The following ADCYAP1 variants were observed in gnomAD, a reference collection of about 807,000 sequenced individuals.
ADCYAP1 encodes the protein adenylate cyclase activating polypeptide 1, also known as pituitary adenylate cyclase-activating polypeptide.
ADCYAP1 carries 6 observed loss-of-function variants against 18.5 expected under a neutral mutation model. The ratio of observed to expected loss-of-function variants is 0.32; its 90% CI spans 0.18 to 0.64. ADCYAP1 has a LOEUF of 0.64. Ranked by LOEUF, ADCYAP1 falls within the 30% of genes least tolerant of loss-of-function variation. ADCYAP1 has a pLI of 0.77. For missense variants in ADCYAP1, 314 were observed against 253.6 expected, an observed-to-expected ratio of 1.24 and a Z score of -1.62; for synonymous variants, 136 against 113.9, an observed-to-expected ratio of 1.19 and a Z score of -1.24.
intron 2 of ADCYAP1, 82 bp downstream of exon 2, chr18:905,578 C>G (rs938302041): frequency 1.3e-6 from 2 of 1,512,836 alleles, no homozygotes; most frequent in African/African-American, 2.7e-5. Flanking sequence ...TCCTGCAGTC[C>G]TTTGGGTCCA....
chr18:906,443 C>G (rs1018775084), intron 2 of ADCYAP1: 3 of 152,456 alleles, frequency 2.0e-5, no homozygotes, highest in African/African-American at 7.2e-5. Context: ...AACATTAGCT[C>G]TGGGGGGCCG....
Position 908,434 on chromosome 18 carries a change from G to A in ADCYAP1, c.341+71G>A, listed in dbSNP as rs1055924822. 2.6e-5 allele frequency: 36 copies of A among 1,371,020 alleles called. No individual in the cohort carries two copies. In the Admixed American group the frequency reaches 3.3e-4, roughly 13 times the overall value. 84.9% of individuals were successfully genotyped at this position (1,371,020 alleles called of 1,614,324 possible). A position where few individuals can be genotyped will look rare whatever the true frequency, so the allele number is the denominator to read the frequency against. Reference sequence around the variant, plus strand: ...CCTGTGCGGGGCGCGCGGGGCGGGCGGCGGTGGGTGCCCGTGGGGGCCAGG... The same window carrying A: ...CCTGTGCGGGGCGCGCGGGGCGGGCAGCGGTGGGTGCCCGTGGGGGCCAGG... On this transcript the variant is annotated intron_variant, in intron 4 of 4. Transcript: ENST00000450565.
At chr18:904,528 C>T (rs1276972831), upstream of ADCYAP1, 3 of 1,289,194 alleles carry the variant, frequency 2.3e-6, no homozygotes, top group Non-Finnish European at 2.0e-6. Flanking sequence ...AGGCCGGTCA[C>T]CTCTGTAACC....
At position 909,543 on chromosome 18, in the gene ADCYAP1, CAA is replaced by C. The variant is rs1351888139; in HGVS notation, c.441_442del (p.Gln147HisfsTer16). ...GGACAGCTACAGCCGCTACCGGAAA[CAA>C]ATGGCTGTCAAGAAATACTTGGCGG... ...FTDSYSRYRK[Q>X]MAVKKYLAAV... is the part of the protein sequence containing the mutation. On this transcript the variant is annotated frameshift_variant, in exon 5 of 5. Coordinates refer to ENST00000450565, the MANE Select transcript of ADCYAP1 (RefSeq NM_001099733.2). LOFTEE classifies it high-confidence loss of function. 6.2e-7 allele frequency: 1 copy of C among 1,614,188 alleles called. No individual in the cohort carries two copies. The highest frequency in any genetic ancestry group is 1.3e-5 in the African/African-American group (1 of 75,060).
intron 2 of ADCYAP1, among the ~76,000 whole-genome samples, chr18:907,021 CCA>C (rs978912115): frequency 2.0e-5 from 3 of 152,048 alleles, no homozygotes; most frequent in African/African-American, 7.2e-5. Flanking sequence ...TGCGGACGCG[CCA>C]CAGTCTGAGC....
rs1318446678 is a variant in ADCYAP1, at chr18:908,268, T to C, written c.246T>C (p.Asp82=). ...GCGCACTTTGCCTCCCCGTTAGAGA[T>C]GTCGCCCACGGGATCCTTAACGAGG... ...AAWYRPAGRR[D]VAHGILNEAY... The change falls in exon 4 of 5, where the codon GAT becomes GAC. Residue 82 remains aspartate (D), a synonymous_variant. Coordinates refer to ENST00000450565, the MANE Select transcript of ADCYAP1 (RefSeq NM_001099733.2). 1.2e-6 allele frequency: 2 copies of C among 1,611,298 alleles called. No homozygotes were observed. Among genetic ancestry groups the C allele is most frequent in the Non-Finnish European group, 1.7e-6 (2 of 1,178,760 alleles).
chr18:908,859 T>C (rs75297464), intron 4 of ADCYAP1, among the ~76,000 whole-genome samples: 2,293 of 152,294 alleles, frequency 0.015, 29 homozygotes, highest in Non-Finnish European at 0.024. Flanking sequence ...GGCAACATTC[T>C]AATAAAGCCC....
intron 2 of ADCYAP1, among the ~76,000 whole-genome samples, chr18:907,192 GC>G (rs1279159653): frequency 6.6e-6 from 1 of 152,196 alleles, no homozygotes; most frequent in Non-Finnish European, 1.5e-5. Flanking sequence ...TGAGGAGTTG[GC>G]CCCCGCACGC....
intron 4 of ADCYAP1, 40 bp from the exon 5 acceptor site, chr18:909,406 T>C (rs929465939): frequency 6.3e-7 from 1 of 1,583,150 alleles, no homozygotes; most frequent in Non-Finnish European, 8.6e-7. Context: ...AACCTGTGTC[T>C]CCCGCCCCGC....
chr18:907,468 G>T, intron 2 of ADCYAP1, 191 bp from the exon 3 acceptor site: 3 of 559,954 alleles, frequency 5.4e-6, no homozygotes, highest in East Asian at 3.6e-5. Context: ...CGCCCGGCGG[G>T]GTAGGAGTGG....
chr18:907,518 C>G, intron 2 of ADCYAP1, 141 bp from the exon 3 acceptor site: 1 of 913,910 alleles, frequency 1.1e-6, no homozygotes, highest in Non-Finnish European at 1.6e-6. Context: ...GCTCCCACCC[C>G]CAGTCCTGGG....
At chr18:904,743 T>TA (rs1284652171), upstream of ADCYAP1, 1 of 1,250,862 alleles carries the variant, frequency 8.0e-7, no homozygotes, top group East Asian at 5.7e-5. Flanking sequence ...CGGGTGGACT[T>TA]ACGGCCACCT....
At chr18:907,496 C>T in intron 2 of ADCYAP1, 163 bp from the exon 3 acceptor site, 2 of 733,102 alleles carry the variant, frequency 2.7e-6, no homozygotes, top group South Asian at 2.3e-5. Context: ...TCGTTGCCTC[C>T]TCCTTACCTC....
Position 910,474 on chromosome 18 carries a change from A to G in ADCYAP1, c.*839A>G, listed in dbSNP as rs1909349263. The G allele has an allele frequency of 6.6e-6, 1 of 152,270 alleles. No individual in the cohort carries two copies. The highest frequency in any genetic ancestry group is 1.5e-5 in the Non-Finnish European group (1 of 68,062). 9.4% of individuals were successfully genotyped at this position (152,270 alleles called of 1,614,324 possible). ...TCTTTTCTGTACTTCCTGAGTGGCC[A>G]GGGAATCTAATATCCCCAAATTAGG... On this transcript the variant is annotated 3_prime_UTR_variant, in exon 5 of 5. Coordinates refer to ENST00000450565, the MANE Select transcript of ADCYAP1 (RefSeq NM_001099733.2).
intron 2 of ADCYAP1, 49 bp from the exon 3 acceptor site, chr18:907,610 G>A: frequency 1.3e-6 from 2 of 1,547,590 alleles, no homozygotes; most frequent in South Asian, 1.2e-5. Flanking sequence ...TCGCCGAGCT[G>A]GGGAGGAACT....
At chr18:907,528 GAGA>G in intron 2 of ADCYAP1, 128 bp from the exon 3 acceptor site, 1 of 996,300 alleles carries the variant, frequency 1.0e-6, no homozygotes, top group Middle Eastern at 2.2e-4. Flanking sequence ...CCAGTCCTGG[GAGA>G]AGAGACAATT....
Position 909,754 on chromosome 18 carries a change from T to C in ADCYAP1, c.*119T>C. The stretch of plus-strand genomic sequence containing the variant: ...CCAAACATGTATTTATGTAATGAAG[T>C]AAAGCCATTAAATGAATATTTTGAT... On this transcript the variant is annotated 3_prime_UTR_variant, in exon 5 of 5. Transcript: ENST00000450565. 1.2e-6 allele frequency: 1 copy of C among 809,422 alleles called. No individual in the cohort carries two copies. Among genetic ancestry groups the C allele is most frequent in the African/African-American group, 1.7e-5 (1 of 57,460 alleles). The allele number at this position is 809,422 out of a possible 1,614,324, so 50.1% of individuals were successfully genotyped here. A position where few individuals can be genotyped will look rare whatever the true frequency, so the allele number is the denominator to read the frequency against.
chr18:908,423 G>A (rs531423257), intron 4 of ADCYAP1, 60 bp downstream of exon 4: 125 of 1,477,796 alleles, frequency 8.5e-5, no homozygotes, highest in Non-Finnish European at 1.1e-4. Flanking sequence ...TGCGGGGCGC[G>A]CGGGGCGGGC....
rs1006567 is a variant in ADCYAP1 at position 910,567 on chromosome 18, G to C, written c.*932G>C. 0.025 allele frequency: 3,854 copies of C among 152,416 alleles called. 67 individuals are homozygous for C. Among genetic ancestry groups the C allele is most frequent in the Middle Eastern group, 0.065 (19 of 294 alleles). 9.4% of individuals were successfully genotyped at this position (152,416 alleles called of 1,614,324 possible). The stretch of plus-strand genomic sequence containing the variant: ...GGCAGAGCCTGAGGTGGTAGGAGGA[G>C]GACCCTGGAAATGGACTGGTTTGAG... On this transcript the variant is annotated 3_prime_UTR_variant, in exon 5 of 5. Coordinates refer to ENST00000450565, the MANE Select transcript of ADCYAP1 (RefSeq NM_001099733.2).
Sources: allele counts gnomAD v4.1 joint callset (sites outside exome capture counted in the v4.1 genomes callset), GRCh38; gene constraint gnomAD v4.1.1; transcripts MANE v1.5; gene names NCBI Gene and HGNC (gene_info 2026-07-23, HGNC 2026-07-21).